The following RAD17 variants were observed in gnomAD, a reference collection of about 807,000 sequenced individuals.
The protein encoded by RAD17 is cell cycle checkpoint protein RAD17.
RAD17 carries 31 observed loss-of-function variants against 81.5 expected under a neutral mutation model. The ratio of observed to expected loss-of-function variants is 0.38; its 90% CI spans 0.29 to 0.51. RAD17 has a LOEUF of 0.51. Among genes scored for constraint, RAD17 ranks in the 20% least tolerant of loss-of-function variants. The pLI, the probability that RAD17 is intolerant of heterozygous loss-of-function variation, is 0.88. For missense variants in RAD17, 681 were observed against 781.2 expected, an observed-to-expected ratio of 0.87 and a Z score of 1.53; for synonymous variants, 261 against 266.2, an observed-to-expected ratio of 0.98 and a Z score of 0.19.
rs1698478585 is a variant in RAD17 at position 69,369,892 on chromosome 5, C to G, written c.-458C>G. 1 of 596,726 alleles carries G rather than the reference C, an allele frequency of 1.7e-6. No homozygotes were observed. The highest frequency in any genetic ancestry group is 3.2e-5 in the Admixed American group (1 of 31,334). The allele number at this position is 596,726 out of a possible 1,614,324, so 37.0% of individuals were successfully genotyped here. On this transcript the variant is annotated 5_prime_UTR_variant, in exon 1 of 19. Transcript: ENST00000354868. ...CCTTTCACCTAGGGTAGTCCCTGGTCGCCTCCGCTCTTCGCCTAAAAGGGG... is the reference window on the plus strand; with the variant it reads ...CCTTTCACCTAGGGTAGTCCCTGGTGGCCTCCGCTCTTCGCCTAAAAGGGG...
intron 13 of RAD17, chr5:69,392,895 GA>G: frequency 2.1e-6 from 1 of 487,688 alleles, no homozygotes; most frequent in Non-Finnish European, 3.8e-6. Context: ...TGAAAAAGGT[GA>G]AATGGGAGTG....
At chr5:69,373,011 A>G (rs112922271) in intron 4 of RAD17, among the ~76,000 whole-genome samples, 48 of 152,336 alleles carry the variant, frequency 3.2e-4, no homozygotes, top group African/African-American at 1.1e-3. Flanking sequence ...TAATCCAGTC[A>G]TAATTACAGA....
chr5:69,406,231 A>G (rs1278382378), intron 17 of RAD17, among the ~76,000 whole-genome samples: 1 of 152,176 alleles, frequency 6.6e-6, no homozygotes. Context: ...AAATCTTGTC[A>G]TTTGCAGTAA....
intron 16 of RAD17, among the ~76,000 whole-genome samples, chr5:69,399,421 G>A (rs998359622): frequency 3.3e-5 from 5 of 152,012 alleles, no homozygotes; most frequent in African/African-American, 1.2e-4. Context: ...ATCTGAATTC[G>A]TGACCCCTGG....
At chr5:69,401,783 C>G (rs1310999196) in intron 17 of RAD17, among the ~76,000 whole-genome samples, 1 of 151,408 alleles carries the variant, frequency 6.6e-6, no homozygotes, top group Non-Finnish European at 1.5e-5. Flanking sequence ...GTCAGGAGAT[C>G]GAGACCATCC....
intron 6 of RAD17, among the ~76,000 whole-genome samples, chr5:69,377,456 TATATATATATATATATATACAC>T (rs377064660): frequency 4.8e-3 from 41 of 8,500 alleles, no homozygotes; most frequent in South Asian, 0.015. Flanking sequence ...TATATATATA[TATATATATATATATATATACAC>T]ACACACACAT....
chr5:69,386,782 A>G (rs1017651212), intron 11 of RAD17, among the ~76,000 whole-genome samples: 7 of 151,780 alleles, frequency 4.6e-5, no homozygotes, highest in African/African-American at 1.2e-4. Flanking sequence ...AACTCTTCCT[A>G]TTGTCCTGTT....
chr5:69,376,736 GC>G (rs971194099), intron 6 of RAD17, among the ~76,000 whole-genome samples: 1 of 149,392 alleles, frequency 6.7e-6, no homozygotes, highest in Non-Finnish European at 1.5e-5. Context: ...TGTTTTAGTT[GC>G]TTTGATGGTA....
intron 7 of RAD17, among the ~76,000 whole-genome samples, chr5:69,382,630 AT>A (rs1300487384): frequency 6.6e-6 from 1 of 152,134 alleles, no homozygotes. Flanking sequence ...AAGATATTTT[AT>A]TTGTTAAATC....
At position 69,392,817 on chromosome 5, in the gene RAD17, A is replaced by G. The variant is rs113036103; in HGVS notation, c.1190-338A>G. ...CATGTAGAGAGCAACATCTTCCTAC[A>G]TAGTAAATAAAAGAGTAAAGACCAC... On this transcript the variant is annotated intron_variant, in intron 13 of 18. Coordinates refer to ENST00000354868, the MANE Select transcript of RAD17 (RefSeq NM_133338.3). 2.4e-5 allele frequency: 11 copies of G among 467,256 alleles called. 1 individual carries two copies. Among genetic ancestry groups the G allele is most frequent in the African/African-American group, 5.9e-5 (3 of 50,848 alleles). The allele number at this position is 467,256 out of a possible 1,614,324, so 28.9% of individuals were successfully genotyped here. A position where few individuals can be genotyped will look rare whatever the true frequency, so the allele number is the denominator to read the frequency against.
intron 5 of RAD17, 99 bp downstream of exon 5, chr5:69,374,186 A>T (rs1290900652): frequency 9.1e-7 from 1 of 1,096,580 alleles, no homozygotes; most frequent in Non-Finnish European, 1.3e-6. Flanking sequence ...TTTTTTACTC[A>T]TAAGAATCTT....
chr5:69,371,887 T>A (rs1187569810), intron 3 of RAD17, 147 bp from the exon 4 acceptor site: 14 of 389,012 alleles, frequency 3.6e-5, no homozygotes, highest in African/African-American at 2.1e-4. Context: ...AGTGTGTGAG[T>A]TCTCAGCAAG....
At chr5:69,377,486 CAT>C (rs371226581) in intron 6 of RAD17, among the ~76,000 whole-genome samples, 32,085 of 67,084 alleles carry the variant, frequency 0.48, 8,987 homozygotes, top group Middle Eastern at 0.61. Flanking sequence ...CACACACACA[CAT>C]ATATATACGT....
At position 69,389,094 on chromosome 5, in the gene RAD17, T is replaced by G; in HGVS notation, c.955T>G (p.Ser319Ala). 6.3e-7 allele frequency: 1 copy of G among 1,584,126 alleles called. No individual in the cohort carries two copies. The highest frequency in any genetic ancestry group is 8.6e-7 in the Non-Finnish European group (1 of 1,164,636). The change falls in exon 12 of 19, where the codon TCT (serine) becomes GCT (alanine). Residue 319 changes from serine to alanine, a missense_variant. Physicochemically the swap from Ser to Ala is moderately conservative, Grantham distance 99. Coordinates refer to ENST00000354868, the MANE Select transcript of RAD17 (RefSeq NM_133338.3). ...TCTAGAGTTGCTCTGTCAGGGATGT[T>G]CTGGTGATATCAGAAGTGCAATAAA... ...TSLELLCQGCSGDIRSAINSL... is the reference protein window; with the variant it reads ...TSLELLCQGCAGDIRSAINSL...
Position 69,371,116 on chromosome 5 carries a change from T to C in RAD17, c.-335T>C. 1 of 463,410 alleles carries C rather than the reference T, an allele frequency of 2.2e-6. No homozygotes were observed. The highest frequency in any genetic ancestry group is 1.6e-5 in the South Asian group (1 of 61,016). 28.7% of individuals were successfully genotyped at this position (463,410 alleles called of 1,614,324 possible). On this transcript the variant is annotated 5_prime_UTR_variant, in exon 2 of 19. Coordinates refer to ENST00000354868, the MANE Select transcript of RAD17 (RefSeq NM_133338.3). ...ACTGTAATTTGAAATAAGGAAAACTTTAATTTTCAGTATAAAAATTGCTCA... is the reference window on the plus strand; with the variant it reads ...ACTGTAATTTGAAATAAGGAAAACTCTAATTTTCAGTATAAAAATTGCTCA...
intron 18 of RAD17, among the ~76,000 whole-genome samples, chr5:69,412,252 G>A (rs1415795890): frequency 6.6e-6 from 1 of 151,950 alleles, no homozygotes; most frequent in Non-Finnish European, 1.5e-5. Context: ...CACCACGCCT[G>A]GCCACGAGAG....
chr5:69,369,741 A>T (rs1291845120), upstream of RAD17: 2 of 1,535,536 alleles, frequency 1.3e-6, no homozygotes, highest in African/African-American at 2.8e-5. Context: ...AGTGCGCTGG[A>T]TGCCTAAGTC....
intron 1 of RAD17, among the ~76,000 whole-genome samples, chr5:69,370,440 A>C (rs1031458046): frequency 3.3e-5 from 5 of 152,046 alleles, no homozygotes; most frequent in African/African-American, 1.2e-4. Flanking sequence ...CCTGGGTTCA[A>C]GTGATTCTCC....
chr5:69,389,777 A>C (rs921764035), intron 12 of RAD17, among the ~76,000 whole-genome samples: 5 of 152,126 alleles, frequency 3.3e-5, no homozygotes, highest in African/African-American at 1.2e-4. Flanking sequence ...AGTAGCTGGG[A>C]CTACAGGCAG....
Sources: gnomAD v4.1 joint callset for allele counts (sites outside exome capture counted in the v4.1 genomes callset) on GRCh38, gnomAD v4.1.1 for gene constraint, MANE v1.5 for transcripts, NCBI Gene and HGNC (gene_info 2026-07-23, HGNC 2026-07-21) for gene names.